Variants in NFASC observed in about 807,000 individuals in gnomAD.
NFASC encodes neurofascin homolog.
In NFASC, 43 loss-of-function variants were observed where a neutral mutation model predicts 147.5. The ratio of observed to expected loss-of-function variants is 0.29; its 90% CI spans 0.23 to 0.38. The LOEUF (loss-of-function observed/expected upper bound fraction) is 0.38. NFASC is among the 10% of genes least tolerant of loss of function. The probability of loss-of-function intolerance (pLI) is 1.00; values close to 1 mark genes in which losing one functional copy is unlikely to be tolerated. For missense variants in NFASC, 1,320 were observed against 1,689.0 expected (o/e 0.78, Z 3.83); for synonymous variants, 622 against 665.5 (o/e 0.93, Z 1.01).
At chr1:204,881,657 A>G (rs1257817738) in intron 1 of NFASC, among the ~76,000 whole-genome samples, 1 of 152,180 alleles carries the variant, frequency 6.6e-6, no homozygotes, top group East Asian at 1.9e-4. Flanking sequence ...CCTGAAGAAC[A>G]CGGGATAGTA....
rs781090491 is a variant in NFASC, at chr1:204,954,216, T to C, written c.244T>C (p.Phe82Leu). ...SFHWTRNSRF[F>L]NIAKDPRVSM... ...CCACTGGACACGAAACAGCAGATTC[T>C]TCAACATCGCCAAGGACCCCCGGGT... The change falls in exon 6 of 30, where the codon TTC (phenylalanine) becomes CTC (leucine). Residue 82 changes from phenylalanine to leucine, a missense_variant. This residue lies in a region of NFASC where 981 missense variants were observed against 1,289.5 expected (regional missense o/e 0.76). Transcript: ENST00000339876. This position sits in a 1 kb window ranked among gnomAD's most constrained non-coding sequence, Gnocchi z 5.7. 3 of 1,614,186 alleles carry C rather than the reference T, an allele frequency of 1.9e-6. No homozygotes were observed. Among genetic ancestry groups the C allele is most frequent in the Non-Finnish European group, 2.5e-6 (3 of 1,180,028 alleles).
rs200468415 is a variant in NFASC at position 204,887,586 on chromosome 1, C to CTTTTTTTTTTTTTTT, written c.-199-33030_-199-33016dup. Among the ~76,000 whole-genome samples the CTTTTTTTTTTTTTTT allele has an allele frequency of 7.1e-5, 3 of 42,336 alleles. 1 individual carries two copies. The highest frequency in any genetic ancestry group is 1.0e-3 in the East Asian group (2 of 1,912). The allele number at this position is 42,336 out of a possible 152,430, so 27.8% of individuals were successfully genotyped here. ...TAATTTTTTTGAGGAGCCTGATTGG[C>CTTTTTTTTTTTTTTT]TTTTTTTTTTTTTTTTTTTTTTTTT... On this transcript the variant is annotated intron_variant, in intron 1 of 29. Coordinates refer to ENST00000339876, the MANE Select transcript of NFASC (RefSeq NM_001005388.3).
chr1:204,953,643 CTG>C (rs1378795189), intron 5 of NFASC, among the ~76,000 whole-genome samples: 4 of 152,206 alleles, frequency 2.6e-5, no homozygotes, highest in African/African-American at 9.7e-5. Flanking sequence ...GCTATATAAT[CTG>C]TACTCACTGA....
intron 20 of NFASC, among the ~76,000 whole-genome samples, chr1:204,980,715 G>A (rs2095495445): frequency 6.6e-6 from 1 of 152,190 alleles, no homozygotes; most frequent in Admixed American, 6.5e-5. Context: ...ACGCATAGAG[G>A]ATGCAGCAAA....
chr1:204,954,868 T>C lies in NFASC; in HGVS notation c.452T>C (p.Val151Ala). 5 of 1,614,168 alleles carry C rather than the reference T, an allele frequency of 3.1e-6. No homozygotes were observed. Among genetic ancestry groups the C allele is most frequent in the Non-Finnish European group, 4.2e-6 (5 of 1,179,990 alleles). Residue 151 changes from valine (V) to alanine (A), a missense_variant, in exon 7 of 30, where the codon GTG becomes GCG. Physicochemically the swap from Val to Ala is moderately conservative, Grantham distance 64. Transcript: ENST00000339876. This position sits in a 1 kb window ranked among gnomAD's most constrained non-coding sequence, Gnocchi z 5.7. The stretch of plus-strand genomic sequence containing the variant: ...CCCAAGGAAAACCTAGACCCTGTCG[T>C]GGTCCAAGAGGGCGCTCCTTTGACG... ...LWPKENLDPV[V>A]VQEGAPLTLQ...
rs897036145 is a variant in NFASC at position 205,020,555 on chromosome 1, G to C, written c.*4016G>C. 3.9e-5 allele frequency: 6 copies of C among 152,286 alleles called. No individual in the cohort carries two copies. Among genetic ancestry groups the C allele is most frequent in the Admixed American group, 3.3e-4 (5 of 15,290 alleles). 9.4% of individuals were successfully genotyped at this position (152,286 alleles called of 1,614,324 possible). On this transcript the variant is annotated 3_prime_UTR_variant, in exon 30 of 30. Transcript: ENST00000339876. ...AATTCCTGTTGGCAGCACCTAGAGA[G>C]AGCATCTGAGCTGAAGGAGTGGGAA...
rs760037106 is a variant in NFASC, at chr1:204,968,369, G to T, written c.818+9G>T. ...TGCATCGCCTCCGGGGTGTATGTGCGGTTTGCAGCCCCTCTTCTAGCCACC... is the reference window on the plus strand; with the variant it reads ...TGCATCGCCTCCGGGGTGTATGTGCTGTTTGCAGCCCCTCTTCTAGCCACC... On this transcript the variant is annotated intron_variant, in intron 9 of 29. Coordinates refer to ENST00000339876, the MANE Select transcript of NFASC (RefSeq NM_001005388.3). This position sits in a 1 kb window ranked among gnomAD's most constrained non-coding sequence, Gnocchi z 5.4. 1.2e-6 allele frequency: 2 copies of T among 1,605,632 alleles called. No homozygotes were observed. Among genetic ancestry groups the T allele is most frequent in the East Asian group, 2.2e-5 (1 of 44,820 alleles).
chr1:204,888,785 T>A (rs2081828901), intron 1 of NFASC, among the ~76,000 whole-genome samples: 1 of 152,226 alleles, frequency 6.6e-6, no homozygotes, highest in African/African-American at 2.4e-5. Flanking sequence ...GCAAGAATGC[T>A]GTCAGGCAGA....
chr1:204,896,204 G>T (rs1010192144), intron 1 of NFASC, among the ~76,000 whole-genome samples: 2 of 152,156 alleles, frequency 1.3e-5, no homozygotes, highest in Non-Finnish European at 2.9e-5. Flanking sequence ...CAGTGGGAGG[G>T]GGAACATTGC....
At chr1:204,915,604 G>C (rs958619675) in intron 1 of NFASC, among the ~76,000 whole-genome samples, 1 of 152,150 alleles carries the variant, frequency 6.6e-6, no homozygotes, top group Admixed American at 6.5e-5. Context: ...TTCATATCAC[G>C]TGAAGGGATT....
chr1:204,919,106 C>T (rs182861850), intron 1 of NFASC, among the ~76,000 whole-genome samples: 1 of 152,164 alleles, frequency 6.6e-6, no homozygotes, highest in Non-Finnish European at 1.5e-5. Flanking sequence ...TTCACTGCAA[C>T]CTCTGCCTCC....
At chr1:204,945,212 C>T (rs2093640625) in intron 3 of NFASC, among the ~76,000 whole-genome samples, 1 of 152,198 alleles carries the variant, frequency 6.6e-6, no homozygotes, top group Non-Finnish European at 1.5e-5. Context: ...TGTGTGCCAC[C>T]TTTACCACAA....
At chr1:204,907,470 TC>T (rs2086247493) in intron 1 of NFASC, among the ~76,000 whole-genome samples, 1 of 152,196 alleles carries the variant, frequency 6.6e-6, no homozygotes, top group African/African-American at 2.4e-5. Context: ...GACTAGCCCC[TC>T]CCTGCCCCCT....
At chr1:204,970,977 G>A (rs2095229036) in intron 11 of NFASC, among the ~76,000 whole-genome samples, 1 of 152,160 alleles carries the variant, frequency 6.6e-6, no homozygotes, top group South Asian at 2.1e-4. Context: ...ATATTCCCAT[G>A]CTTAAGGGAT....
Position 205,010,147 on chromosome 1 carries a change from G to T in NFASC, c.3421+459G>T, listed in dbSNP as rs1030860290. 4.5e-5 allele frequency: 8 copies of T among 179,616 alleles called. No individual in the cohort carries two copies. Among genetic ancestry groups the T allele is most frequent in the Non-Finnish European group, 8.4e-5 (7 of 83,742 alleles). 11.1% of individuals were successfully genotyped at this position (179,616 alleles called of 1,614,324 possible). ...ACATGAGAGAGTTCCAGAGGTGGGC[G>T]CTCAGCAGGACAACAGTGTAACTGC... is the stretch of plus-strand genomic sequence containing the variant. On this transcript the variant is annotated intron_variant, in intron 28 of 29. Coordinates refer to ENST00000339876, the MANE Select transcript of NFASC (RefSeq NM_001005388.3). The surrounding 1 kb of genome is among the most constrained non-coding windows in gnomAD (Gnocchi z 4.1).
At chr1:204,994,318 G>A (rs1356604977) in intron 24 of NFASC, among the ~76,000 whole-genome samples, 1 of 152,210 alleles carries the variant, frequency 6.6e-6, no homozygotes. Flanking sequence ...ATGCAGTGTA[G>A]AAACATCTTC....
intron 1 of NFASC, among the ~76,000 whole-genome samples, chr1:204,897,628 C>T (rs1214232956): frequency 6.6e-6 from 1 of 151,532 alleles, no homozygotes; most frequent in Non-Finnish European, 1.5e-5. Flanking sequence ...GGCTGGAGTG[C>T]AGTGGCACAA....
At chr1:204,832,607 T>G (rs1253678914) in intron 1 of NFASC, among the ~76,000 whole-genome samples, 1 of 152,194 alleles carries the variant, frequency 6.6e-6, no homozygotes, top group Non-Finnish European at 1.5e-5. Context: ...GACTGTCAGT[T>G]TCATCTGTCT....
chr1:204,830,006 G>GGTGTGTGTGTGTGTGTGT (rs58294218), intron 1 of NFASC, among the ~76,000 whole-genome samples: 12 of 144,102 alleles, frequency 8.3e-5, no homozygotes, highest in East Asian at 2.1e-4. Context: ...TTTGGCATGG[G>GGTGTGTGTGTGTGTGTGT]GTGTGTGTGT....
Sources: allele counts gnomAD v4.1 joint callset (sites outside exome capture counted in the v4.1 genomes callset), GRCh38; gene constraint gnomAD v4.1.1; regional missense constraint gnomAD v4.1.1; non-coding constraint Gnocchi (gnomAD v3.1); transcripts MANE v1.5; gene names NCBI Gene and HGNC (gene_info 2026-07-23, HGNC 2026-07-21).